BRCA1: variants seen among roughly 807,000 people sequenced by gnomAD.
BRCA1 encodes BRCA1 DNA repair associated.
Under a neutral mutation model 173.7 loss-of-function variants are expected in BRCA1, and 140 were observed. The ratio of observed to expected loss-of-function variants is 0.81; its 90% CI spans 0.70 to 0.93. The LOEUF (loss-of-function observed/expected upper bound fraction) is 0.93. Among genes scored for constraint, BRCA1 ranks in the 40% least tolerant of loss-of-function variants. The pLI is 0.00. For synonymous variants in BRCA1, 662 were observed against 756.0 expected, an observed-to-expected ratio of 0.88 and a Z score of 2.04; for missense variants, 1,983 against 2,172.5, an observed-to-expected ratio of 0.91 and a Z score of 1.73.
upstream of BRCA1, among the ~76,000 whole-genome samples, chr17:43,128,982 C>G (rs1457198534): frequency 6.6e-6 from 1 of 151,980 alleles, no homozygotes; most frequent in African/African-American, 2.4e-5. Context: ...TTGGCTTGTA[C>G]AGGCCTCTGG....
chr17:43,047,558 T>G, intron 22 of BRCA1, 85 bp downstream of exon 22: 1 of 1,305,844 alleles, frequency 7.7e-7, no homozygotes, highest in Non-Finnish European at 1.1e-6. Flanking sequence ...CCAAGAACTG[T>G]GCTACTCAAG....
At chr17:43,106,554 A>G in intron 3 of BRCA1, 21 bp from the exon 4 acceptor site, 1 of 1,526,016 alleles carries the variant, frequency 6.6e-7, no homozygotes, top group East Asian at 2.3e-5. Context: ...TAAAGAAAGA[A>G]AGAACAATTT....
At chr17:43,115,820 T>A (rs2154565998) in intron 2 of BRCA1, 41 bp from the exon 3 acceptor site, 3 of 1,554,592 alleles carry the variant, frequency 1.9e-6, no homozygotes, top group Non-Finnish European at 2.6e-6. Flanking sequence ...TAAATGAGGC[T>A]CAATAATTTA....
chr17:43,135,909 C>T (rs950225183), intron 1 of BRCA1, among the ~76,000 whole-genome samples: 7 of 152,238 alleles, frequency 4.6e-5, no homozygotes, highest in Admixed American at 2.6e-4. Flanking sequence ...CTCACACCCT[C>T]AGCACCCTGC....
chr17:43,166,146 GTGTGTGTGTC>G (rs2056266328), intron 1 of BRCA1: 3 of 150,736 alleles, frequency 2.0e-5, no homozygotes, highest in African/African-American at 7.3e-5. Context: ...GTGTGTGTGT[GTGTGTGTGTC>G]TCTCTCTCTC....
chr17:43,085,420 G>A (rs1231913375), intron 11 of BRCA1, among the ~76,000 whole-genome samples: 4 of 151,536 alleles, frequency 2.6e-5, no homozygotes, highest in Non-Finnish European at 5.9e-5. Context: ...TATACTTTTT[G>A]AACACTATAT....
At chr17:43,137,640 G>A (rs1158210546) in intron 1 of BRCA1, among the ~76,000 whole-genome samples, 4 of 152,098 alleles carry the variant, frequency 2.6e-5, no homozygotes, top group Non-Finnish European at 5.9e-5. Flanking sequence ...CAGCACTTTG[G>A]GAGGTCAAGG....
At chr17:43,079,451 A>G (rs1336444388) in intron 12 of BRCA1, 1 of 1,480,094 alleles carries the variant, frequency 6.8e-7, no homozygotes, top group Non-Finnish European at 9.3e-7. Flanking sequence ...CTGTTCAAAA[A>G]GGAATGCCCC....
At chr17:43,075,597 C>T (rs971341611) in intron 13 of BRCA1, among the ~76,000 whole-genome samples, 5 of 151,640 alleles carry the variant, frequency 3.3e-5, no homozygotes. Context: ...GAGTCTTGCT[C>T]TGTCGCCCAG....
At chr17:43,061,125 C>CA (rs1426049694) in intron 18 of BRCA1, among the ~76,000 whole-genome samples, 1 of 151,952 alleles carries the variant, frequency 6.6e-6, no homozygotes, top group African/African-American at 2.4e-5. Flanking sequence ...GACACCATCT[C>CA]AAAAAAACCA....
intron 1 of BRCA1, among the ~76,000 whole-genome samples, chr17:43,133,383 C>T (rs1343774519): frequency 5.9e-5 from 9 of 152,228 alleles, no homozygotes; most frequent in Middle Eastern, 3.4e-3. Context: ...TGGATCTCAT[C>T]GTAGAGTGAC....
At chr17:43,133,796 A>C (rs185768998) in intron 1 of BRCA1, among the ~76,000 whole-genome samples, 1 of 151,980 alleles carries the variant, frequency 6.6e-6, no homozygotes, top group African/African-American at 2.4e-5. Context: ...CACCACACCC[A>C]GCTAATTTTT....
chr17:43,092,222 A>G lies in BRCA1; in HGVS notation c.3309T>C (p.Cys1103=), dbSNP rs80357317. The change falls in exon 10 of 23, where the codon TGT becomes TGC. Residue 1103 remains cysteine (C), a synonymous_variant. Transcript: ENST00000357654. The part of the protein sequence containing the change: ...VYKQSLPGSN[C]KHPEIKKQEY... ...CTTGCTTTTTTATTTCAGGATGCTT[A>G]CAATTACTTCCAGGAAGACTTTGTT... 1 of 1,613,500 alleles carries G rather than the reference A, an allele frequency of 6.2e-7. No homozygotes were observed. The highest frequency in any genetic ancestry group is 1.1e-5 in the South Asian group (1 of 91,080).
At chr17:43,061,850 G>A (rs2051774516) in intron 18 of BRCA1, among the ~76,000 whole-genome samples, 1 of 152,104 alleles carries the variant, frequency 6.6e-6, no homozygotes, top group South Asian at 2.1e-4. Flanking sequence ...CACTCAAAGT[G>A]CTGGGATTAT....
At chr17:43,099,626 A>C in intron 7 of BRCA1, 149 bp downstream of exon 7, 1 of 652,142 alleles carries the variant, frequency 1.5e-6, no homozygotes, top group South Asian at 1.7e-5. Flanking sequence ...CGTCTTTTAC[A>C]TTTTTTATAA....
intron 1 of BRCA1, chr17:43,161,139 T>C (rs2056233407): frequency 6.6e-6 from 1 of 152,240 alleles, no homozygotes; most frequent in South Asian, 2.1e-4. Context: ...CTTCAGCTGC[T>C]AGCAAGTAGT....
At chr17:43,071,322 C>T in intron 14 of BRCA1, 84 bp from the exon 15 acceptor site, 1 of 1,492,992 alleles carries the variant, frequency 6.7e-7, no homozygotes, top group Non-Finnish European at 9.3e-7. Context: ...ATTAAAAAGA[C>T]CAATAAAGTT....
intron 1 of BRCA1, chr17:43,148,288 CA>C (rs113187432): frequency 0.015 from 2,121 of 143,360 alleles, 1 homozygote; most frequent in South Asian, 0.037. Flanking sequence ...AACTCCATCT[CA>C]AAAAAAAAAA....
chr17:43,100,680 T>TAAC (rs1234409971), intron 6 of BRCA1, among the ~76,000 whole-genome samples: 1 of 11,074 alleles, frequency 9.0e-5, no homozygotes, highest in African/African-American at 3.5e-4. Flanking sequence ...ATATATATAA[T>TAAC]ATATATATAT....
Sources: gnomAD v4.1 joint callset for allele counts (sites outside exome capture counted in the v4.1 genomes callset) on GRCh38, gnomAD v4.1.1 for gene constraint, MANE v1.5 for transcripts, NCBI Gene and HGNC (gene_info 2026-07-23, HGNC 2026-07-21) for gene names.